AGFG2: variants seen among roughly 807,000 people sequenced by gnomAD.
AGFG2 encodes ArfGAP with FG repeats 2.
Under a neutral mutation model 48.0 loss-of-function variants are expected in AGFG2, and 31 were observed. The observed-to-expected ratio is 0.65, with a 90% CI of 0.49 to 0.87. AGFG2 has a LOEUF of 0.87. Among genes scored for constraint, AGFG2 ranks in the 40% least tolerant of loss-of-function variants. AGFG2 has a pLI of 0.00. For missense variants in AGFG2, 599 were observed against 632.6 expected (o/e 0.95, Z 0.57); for synonymous variants, 229 against 260.8 (o/e 0.88, Z 1.18).
intron 3 of AGFG2, among the ~76,000 whole-genome samples, chr7:100,551,030 T>TTTTATATATATATATATATATATA (rs1378400368): frequency 3.6e-5 from 2 of 56,036 alleles, no homozygotes; most frequent in African/African-American, 9.3e-5. Context: ...CCTGGCTAAT[T>TTTTATATATATATATATATATATA]TATATATATA....
chr7:100,539,612 CG>C, intron 1 of AGFG2, 45 bp downstream of exon 1: 4 of 95,370 alleles, frequency 4.2e-5, no homozygotes, highest in South Asian at 8.3e-4. Context: ...TGGGGGGACC[CG>C]GGGGCGGGGT....
At chr7:100,554,061 C>T in intron 4 of AGFG2, 32 bp from the exon 5 acceptor site, 2 of 1,594,466 alleles carry the variant, frequency 1.3e-6, no homozygotes, top group Non-Finnish European at 1.7e-6. Context: ...GTCTGGGATT[C>T]TAAGGGCTGT....
chr7:100,544,741 C>CGGGGGGGGGGGGGGGG (rs1223129584), intron 1 of AGFG2, among the ~76,000 whole-genome samples: 1 of 8,330 alleles, frequency 1.2e-4, no homozygotes, highest in Non-Finnish European at 2.6e-4. Context: ...GGGTGGTGGG[C>CGGGGGGGGGGGGGGGG]GGGGGGGTGG....
chr7:100,561,029 C>T (rs1176987778), intron 6 of AGFG2, among the ~76,000 whole-genome samples: 3 of 148,534 alleles, frequency 2.0e-5, no homozygotes, highest in African/African-American at 7.5e-5. Context: ...CCGTGTCAGC[C>T]AGGTTGGTCT....
At chr7:100,559,975 C>T (rs1038783187) in intron 6 of AGFG2, among the ~76,000 whole-genome samples, 1 of 152,200 alleles carries the variant, frequency 6.6e-6, no homozygotes, top group Non-Finnish European at 1.5e-5. Context: ...CAGGGAGGCA[C>T]AGCATGGCCT....
Position 100,560,462 on chromosome 7 carries a change from A to C in AGFG2, c.878-1797A>C, listed in dbSNP as rs556951355. Among the ~76,000 whole-genome samples the C allele has an allele frequency of 3.3e-5, 5 of 152,306 alleles. No homozygotes were observed. In the South Asian group the frequency reaches 1.0e-3, roughly 32 times the overall value. On this transcript the variant is annotated intron_variant, in intron 6 of 11. Transcript: ENST00000300176. The stretch of plus-strand genomic sequence containing the variant: ...CCAAAGTGCTGGGATTACAGGTGTG[A>C]GCCACTGGGCCTGGCCCCACCCAGG...
In AGFG2 at chr7:100,562,606, G is replaced by A; in HGVS notation, c.1011G>A (p.Met337Ile). 4 of 1,613,044 alleles carry A rather than the reference G, an allele frequency of 2.5e-6. No individual in the cohort carries two copies. Among genetic ancestry groups the A allele is most frequent in the Non-Finnish European group, 3.4e-6 (4 of 1,179,946 alleles). The change falls in exon 8 of 12, where the codon ATG (methionine) becomes ATA (isoleucine). Residue 337 changes from methionine to isoleucine, a missense_variant. Coordinates refer to ENST00000300176, the MANE Select transcript of AGFG2 (RefSeq NM_006076.5). This position sits in a 1 kb window ranked among gnomAD's most constrained non-coding sequence, Gnocchi z 5.4. ...CCCCGTGTTGTAGCCTCTTCGGGATGGCTGGCCAGGTCCCCCCGCTCCAGT... is the reference window on the plus strand; with the variant it reads ...CCCCGTGTTGTAGCCTCTTCGGGATAGCTGGCCAGGTCCCCCCGCTCCAGT... ...AAGVPSSLFG[M>I]AGQVPPLQSV...
rs751787263 is a variant in AGFG2 at position 100,553,415 on chromosome 7, G to A, written c.500G>A (p.Gly167Asp). Residue 167 changes from glycine to aspartate, a missense_variant, in exon 4 of 12, where the codon GGC becomes GAC. Physicochemically the swap from Gly to Asp is moderately conservative, Grantham distance 94. Coordinates refer to ENST00000300176, the MANE Select transcript of AGFG2 (RefSeq NM_006076.5). ...GGCAGTGCCTCCACCCCTGTGCAGG[G>A]CTCCATCCCAGAAGGGAAGCCCCTT... is the stretch of plus-strand genomic sequence containing the variant. ...TKGSASTPVQGSIPEGKPLRT... is the reference protein window; with the variant it reads ...TKGSASTPVQDSIPEGKPLRT... 2 of 1,614,164 alleles carry A rather than the reference G, an allele frequency of 1.2e-6. No individual in the cohort carries two copies. The highest frequency in any genetic ancestry group is 1.1e-5 in the South Asian group (1 of 91,080).
chr7:100,558,656 C>T (rs1440666365), intron 6 of AGFG2, among the ~76,000 whole-genome samples: 1 of 151,774 alleles, frequency 6.6e-6, no homozygotes, highest in East Asian at 2.0e-4. Flanking sequence ...ATTCTCCTGC[C>T]TCAGCCTCCT....
At chr7:100,563,746 T>C (rs1273863320) in intron 9 of AGFG2, 88 bp from the exon 10 acceptor site, 1 of 1,567,494 alleles carries the variant, frequency 6.4e-7, no homozygotes, top group African/African-American at 1.4e-5. Context: ...CTATATCCCA[T>C]TTTCCCATCT....
At chr7:100,552,081 C>CT (rs1562792429) in intron 3 of AGFG2, among the ~76,000 whole-genome samples, 1 of 151,146 alleles carries the variant, frequency 6.6e-6, no homozygotes, top group Non-Finnish European at 1.5e-5. Flanking sequence ...CCCGTCTCTA[C>CT]TAAAAATACA....
chr7:100,547,595 A>T, intron 1 of AGFG2, among the ~76,000 whole-genome samples: 1 of 152,168 alleles, frequency 6.6e-6, no homozygotes, highest in East Asian at 1.9e-4. Context: ...TGCCTGGCTT[A>T]GCCCCAAGTT....
chr7:100,553,968 G>A, intron 4 of AGFG2, 125 bp from the exon 5 acceptor site: 1 of 1,173,012 alleles, frequency 8.5e-7, no homozygotes, highest in Non-Finnish European at 1.2e-6. Context: ...AATCTTCTAG[G>A]TTGAGGGCAG....
chr7:100,540,864 T>G (rs1287894509), intron 1 of AGFG2, among the ~76,000 whole-genome samples: 2 of 152,024 alleles, frequency 1.3e-5, no homozygotes, highest in Non-Finnish European at 1.5e-5. Context: ...ATACAAAAAT[T>G]ACCTGGGTGT....
At position 100,565,369 on chromosome 7, in the gene AGFG2, G is replaced by A; in HGVS notation, c.*378G>A. On this transcript the variant is annotated 3_prime_UTR_variant, in exon 12 of 12. Coordinates refer to ENST00000300176, the MANE Select transcript of AGFG2 (RefSeq NM_006076.5). ...GCAGTGGGGAAGGTAGGGGAAAGAT[G>A]AGGCACAGTGTTGATGGGGCAGTGA... 3.8e-6 allele frequency: 1 copy of A among 261,136 alleles called. No homozygotes were observed. The highest frequency in any genetic ancestry group is 7.5e-6 in the Non-Finnish European group (1 of 133,608). The allele number at this position is 261,136 out of a possible 1,614,324, so 16.2% of individuals were successfully genotyped here. A position where few individuals can be genotyped will look rare whatever the true frequency, so the allele number is the denominator to read the frequency against.
Position 100,551,065 on chromosome 7 carries a change from TA to T in AGFG2, c.431+555del, listed in dbSNP as rs1458180865. On this transcript the variant is annotated intron_variant, in intron 3 of 11. Transcript: ENST00000300176. ...ATATATATATATATATATATATATA[TA>T]TTTCTTTTTTTTTTTTTTTTTGAGA... 5.9e-4 allele frequency among the ~76,000 whole-genome samples: 61 copies of T among 103,862 alleles called. 3 individuals carry two copies. Among genetic ancestry groups the T allele is most frequent in the African/African-American group, 1.8e-3 (44 of 24,904 alleles). 68.1% of individuals were successfully genotyped at this position (103,862 alleles called of 152,430 possible).
chr7:100,565,889 C>CTTTTTTTTT lies in AGFG2; in HGVS notation c.*909_*917dup. 1 of 123,850 alleles carries CTTTTTTTTT rather than the reference C, an allele frequency of 8.1e-6. No homozygotes were observed. Among genetic ancestry groups the CTTTTTTTTT allele is most frequent in the Non-Finnish European group, 1.7e-5 (1 of 58,904 alleles). 7.7% of individuals were successfully genotyped at this position (123,850 alleles called of 1,614,324 possible). A position where few individuals can be genotyped will look rare whatever the true frequency, so the allele number is the denominator to read the frequency against. ...GAAAGGCTTTGTGCAATTGCCTGGTCTTTTTTTTTTTTTTTTTTTCTCCAT... is the reference window on the plus strand; with the variant it reads ...GAAAGGCTTTGTGCAATTGCCTGGTCTTTTTTTTTTTTTTTTTTTTTTTTTTTTCTCCAT... On this transcript the variant is annotated 3_prime_UTR_variant, in exon 12 of 12. Transcript: ENST00000300176.
chr7:100,545,074 T>C (rs903695226), intron 1 of AGFG2, among the ~76,000 whole-genome samples: 10 of 152,180 alleles, frequency 6.6e-5, no homozygotes, highest in Non-Finnish European at 1.2e-4. Flanking sequence ...AGTTGTATCC[T>C]GTTCAGAAGC....
At chr7:100,541,674 A>C (rs1322334066) in intron 1 of AGFG2, among the ~76,000 whole-genome samples, 1 of 150,496 alleles carries the variant, frequency 6.6e-6, no homozygotes, top group Non-Finnish European at 1.5e-5. Flanking sequence ...GAGGCAAGAG[A>C]ATTGCTTGAA....
Sources: allele counts gnomAD v4.1 joint callset (sites outside exome capture counted in the v4.1 genomes callset), GRCh38; gene constraint gnomAD v4.1.1; non-coding constraint Gnocchi (gnomAD v3.1); transcripts MANE v1.5; gene names NCBI Gene and HGNC (gene_info 2026-07-23, HGNC 2026-07-21).